The following CMTR1 variants were observed in gnomAD, a reference collection of about 807,000 sequenced individuals.
CMTR1 encodes cap-specific mRNA (nucleoside-2'-O-)-methyltransferase 1.
A neutral mutation model predicts 107.0 loss-of-function variants in CMTR1; 39 were observed. The observed-to-expected ratio is 0.36, with a 90% CI of 0.28 to 0.48. The LOEUF (loss-of-function observed/expected upper bound fraction) is 0.48, where lower values mean the gene tolerates loss of function less well. CMTR1 is among the 20% of genes least tolerant of loss of function. CMTR1 has a pLI of 0.99. For missense variants in CMTR1, 672 were observed against 1,064.9 expected (o/e 0.63, Z 5.14); for synonymous variants, 366 against 379.5 (o/e 0.96, Z 0.41).
intron 13 of CMTR1, among the ~76,000 whole-genome samples, chr6:37,467,811 T>G (rs1426070892): frequency 6.6e-6 from 1 of 152,176 alleles, no homozygotes; most frequent in Non-Finnish European, 1.5e-5. Context: ...TATGGTCTTT[T>G]TTTGTCCTTC....
chr6:37,449,090 G>C (rs1771874294), intron 4 of CMTR1, among the ~76,000 whole-genome samples: 1 of 152,062 alleles, frequency 6.6e-6, no homozygotes, highest in African/African-American at 2.4e-5. Context: ...ACAGGCCTGT[G>C]CCACCATGCC....
Position 37,451,502 on chromosome 6 carries a change from G to A in CMTR1, c.538-304G>A, listed in dbSNP as rs139558066. Among the ~76,000 whole-genome samples, 273 of 152,330 alleles carry A rather than the reference G, an allele frequency of 1.8e-3. 1 individual carries two copies. Among genetic ancestry groups the A allele is most frequent in the African/African-American group, 6.3e-3 (261 of 41,572 alleles). On this transcript the variant is annotated intron_variant, in intron 5 of 23. Transcript: ENST00000373451. ...CTTCTGCCTCCATGCTCCAGGGTTAGACAGCTTGAATGTCTCCTTCCTGTT... is the reference window on the plus strand; with the variant it reads ...CTTCTGCCTCCATGCTCCAGGGTTAAACAGCTTGAATGTCTCCTTCCTGTT...
At chr6:37,465,529 A>C (rs1430608331) in intron 13 of CMTR1, among the ~76,000 whole-genome samples, 1 of 152,158 alleles carries the variant, frequency 6.6e-6, no homozygotes, top group Non-Finnish European at 1.5e-5. Context: ...GTGCTTCTTC[A>C]AGTCTTTTGA....
chr6:37,450,429 A>T, intron 5 of CMTR1, 86 bp downstream of exon 5: 1 of 982,020 alleles, frequency 1.0e-6, no homozygotes, highest in Non-Finnish European at 1.6e-6. Context: ...ATACACTTGC[A>T]GTTTAAGAAA....
chr6:37,479,642 C>T (rs1018035034), intron 23 of CMTR1, among the ~76,000 whole-genome samples: 2 of 152,228 alleles, frequency 1.3e-5, no homozygotes, highest in Admixed American at 1.3e-4. Context: ...CTCATTAGGA[C>T]CCGGTGTCCA....
chr6:37,464,466 CAA>C (rs536711395), intron 13 of CMTR1, among the ~76,000 whole-genome samples: 22 of 116,810 alleles, frequency 1.9e-4, no homozygotes, highest in African/African-American at 3.5e-4. Context: ...GACTCCATCT[CAA>C]AAAAAAAAAA....
At chr6:37,466,673 G>C (rs1450875846) in intron 13 of CMTR1, among the ~76,000 whole-genome samples, 2 of 152,094 alleles carry the variant, frequency 1.3e-5, no homozygotes, top group Non-Finnish European at 2.9e-5. Context: ...CTTTATGCCA[G>C]TAGTAGACAG....
chr6:37,441,739 T>C (rs1289147469), intron 2 of CMTR1, among the ~76,000 whole-genome samples: 1 of 152,170 alleles, frequency 6.6e-6, no homozygotes, highest in East Asian at 1.9e-4. Flanking sequence ...TACATTCTTG[T>C]GTCTCACAAA....
intron 2 of CMTR1, among the ~76,000 whole-genome samples, chr6:37,440,550 C>A (rs1771650421): frequency 1.3e-5 from 2 of 152,146 alleles, no homozygotes; most frequent in Non-Finnish European, 1.5e-5. Context: ...CTTGATCTTA[C>A]AAGGAATTGC....
upstream of CMTR1, among the ~76,000 whole-genome samples, chr6:37,430,799 G>C (rs951873938): frequency 1.3e-5 from 2 of 152,110 alleles, no homozygotes; most frequent in Non-Finnish European, 2.9e-5. Flanking sequence ...CGGATCACGA[G>C]GTCAGGAGAT....
chr6:37,437,973 G>A (rs1392904492), intron 2 of CMTR1, among the ~76,000 whole-genome samples: 1 of 152,156 alleles, frequency 6.6e-6, no homozygotes, highest in African/African-American at 2.4e-5. Flanking sequence ...CAAGGAAACC[G>A]TTCTGATTTA....
intron 12 of CMTR1, among the ~76,000 whole-genome samples, chr6:37,462,505 A>T (rs1209403654): frequency 6.6e-6 from 1 of 152,242 alleles, no homozygotes; most frequent in East Asian, 1.9e-4. Context: ...TGGCTTTGTT[A>T]CAAACACATA....
Position 37,473,605 on chromosome 6 carries a change from A to G in CMTR1, c.1821+4A>G, listed in dbSNP as rs769555130. 6.2e-7 allele frequency: 1 copy of G among 1,612,680 alleles called. No individual in the cohort carries two copies. Among genetic ancestry groups the G allele is most frequent in the Non-Finnish European group, 8.5e-7 (1 of 1,179,246 alleles). On this transcript the variant is annotated splice_donor_region_variant and intron_variant, in intron 17 of 23. Coordinates refer to ENST00000373451, the MANE Select transcript of CMTR1 (RefSeq NM_015050.3). ...GAAGTTCCTCATCGGCCTGGGGGTA[A>G]GTCTGCAGCTGGCTTCCTGCCCAGC...
At chr6:37,434,747 A>G (rs1426309405) in intron 1 of CMTR1, among the ~76,000 whole-genome samples, 1 of 151,978 alleles carries the variant, frequency 6.6e-6, no homozygotes, top group Non-Finnish European at 1.5e-5. Context: ...AGTAGCTGGG[A>G]CTACAGGCAT....
chr6:37,474,445 A>G (rs1761693126), intron 17 of CMTR1, 79 bp from the exon 18 acceptor site: 2 of 1,558,236 alleles, frequency 1.3e-6, no homozygotes, highest in African/African-American at 2.7e-5. Context: ...GCTGCCAACT[A>G]AAAGCTCTTT....
At chr6:37,476,046 G>A (rs1256251730) in intron 19 of CMTR1, 80 bp from the exon 20 acceptor site, 6 of 1,329,704 alleles carry the variant, frequency 4.5e-6, no homozygotes, top group Non-Finnish European at 6.5e-6. Context: ...TCCTACTGGA[G>A]CTGTGAAAAT....
At chr6:37,434,219 G>A (rs907601380) in intron 1 of CMTR1, among the ~76,000 whole-genome samples, 2 of 152,170 alleles carry the variant, frequency 1.3e-5, no homozygotes, top group African/African-American at 4.8e-5. Context: ...TATCTAGTAA[G>A]AGGCTGCTTT....
chr6:37,434,278 T>G (rs1482377041), intron 1 of CMTR1, among the ~76,000 whole-genome samples: 1 of 152,104 alleles, frequency 6.6e-6, no homozygotes, highest in Non-Finnish European at 1.5e-5. Context: ...CTTCCTTGAG[T>G]TGGAGAGAAC....
At chr6:37,428,265 G>C (rs1771320609), upstream of CMTR1, among the ~76,000 whole-genome samples, 1 of 152,206 alleles carries the variant, frequency 6.6e-6, no homozygotes, top group Non-Finnish European at 1.5e-5. Flanking sequence ...GTCATTGCAA[G>C]TTTGGACAGG....
Sources: gnomAD v4.1 joint callset for allele counts (sites outside exome capture counted in the v4.1 genomes callset) on GRCh38, gnomAD v4.1.1 for gene constraint, MANE v1.5 for transcripts, NCBI Gene and HGNC (gene_info 2026-07-23, HGNC 2026-07-21) for gene names.